SHTN1: variants seen among roughly 807,000 people sequenced by gnomAD.
The protein encoded by SHTN1 is shootin-1.
A neutral mutation model predicts 83.1 loss-of-function variants in SHTN1; 42 were observed. That is an observed-to-expected ratio of 0.51 (90% confidence interval 0.39 to 0.65). The LOEUF (loss-of-function observed/expected upper bound fraction) is 0.65, where lower values mean the gene tolerates loss of function less well. Among genes scored for constraint, SHTN1 ranks in the 30% least tolerant of loss-of-function variants. The pLI, the probability that SHTN1 is intolerant of heterozygous loss-of-function variation, is 0.00. For synonymous variants in SHTN1, 224 were observed against 247.7 expected (o/e 0.90, Z 0.90); for missense variants, 622 against 737.8 (o/e 0.84, Z 1.82).
At chr10:116,940,763 T>C in intron 8 of SHTN1, 151 bp from the exon 9 acceptor site, 1 of 544,804 alleles carries the variant, frequency 1.8e-6, no homozygotes, top group Non-Finnish European at 3.1e-6. Flanking sequence ...GTGATTGCTA[T>C]GATTTCATTC....
At chr10:116,923,154 A>G (rs1848623639) in intron 11 of SHTN1, among the ~76,000 whole-genome samples, 1 of 152,178 alleles carries the variant, frequency 6.6e-6, no homozygotes, top group African/African-American at 2.4e-5. Context: ...AAAGATAGTA[A>G]TTAGGGAGGA....
intron 1 of SHTN1, among the ~76,000 whole-genome samples, chr10:117,069,657 C>T (rs1259159680): frequency 2.0e-5 from 3 of 151,984 alleles, no homozygotes; most frequent in Non-Finnish European, 4.4e-5. Context: ...TTATAAAGTC[C>T]AAGTGGCTTT....
chr10:117,049,412 C>G (rs900777550), intron 1 of SHTN1, among the ~76,000 whole-genome samples: 21 of 152,112 alleles, frequency 1.4e-4, no homozygotes, highest in African/African-American at 4.1e-4. Flanking sequence ...GAATTTTAAC[C>G]TAGCTTTGTG....
At chr10:117,005,677 T>C (rs1251612229), upstream of SHTN1, 4 of 708,348 alleles carry the variant, frequency 5.6e-6, no homozygotes, top group South Asian at 6.3e-5. Context: ...CCCAGGGTGG[T>C]ACATTTTGCA....
At chr10:117,017,144 G>A (rs1469548485) in intron 2 of SHTN1, among the ~76,000 whole-genome samples, 3 of 152,142 alleles carry the variant, frequency 2.0e-5, no homozygotes, top group Admixed American at 2.0e-4. Flanking sequence ...AAGGACTCAG[G>A]AACCAACCTG....
At chr10:116,896,170 T>C (rs1308005432) in intron 16 of SHTN1, among the ~76,000 whole-genome samples, 2 of 152,122 alleles carry the variant, frequency 1.3e-5, no homozygotes, top group African/African-American at 4.8e-5. Flanking sequence ...CCCCCGAAAA[T>C]GCTTTTTTCC....
intron 2 of SHTN1, among the ~76,000 whole-genome samples, chr10:117,038,759 G>C (rs1564938350): frequency 6.6e-6 from 1 of 152,134 alleles, no homozygotes; most frequent in Non-Finnish European, 1.5e-5. Context: ...AATATCATCA[G>C]GGAAATGCAA....
chr10:116,911,655 A>T, intron 14 of SHTN1, 135 bp downstream of exon 14: 2 of 1,568,686 alleles, frequency 1.3e-6, no homozygotes, highest in East Asian at 4.6e-5. Flanking sequence ...AGCACGATCA[A>T]ATAAACTGGC....
Position 117,062,202 on chromosome 10 carries a change from G to C in SHTN1, c.-188-13692C>G, listed in dbSNP as rs1270208361. On this transcript the variant is annotated intron_variant, in intron 1 of 17. Transcript: ENST00000392901. ...TAAAAAGGAAACACTAACAGTAAAG[G>C]AGGAAATAAATCTTAGAACTTTTCA... 3.3e-5 allele frequency among the ~76,000 whole-genome samples: 5 copies of C among 152,284 alleles called. No individual in the cohort carries two copies. In the East Asian group the frequency reaches 9.6e-4, roughly 29 times the overall value.
chr10:117,037,804 G>A (rs1215113581), intron 2 of SHTN1, among the ~76,000 whole-genome samples: 2 of 151,832 alleles, frequency 1.3e-5, no homozygotes, highest in Non-Finnish European at 2.9e-5. Context: ...TCAGGAGTTC[G>A]AGACCGTCCT....
chr10:117,065,727 T>TGAAAGAAAGAAAGAAAGAAAGAAA (rs869310024), intron 1 of SHTN1, among the ~76,000 whole-genome samples: 3 of 12,012 alleles, frequency 2.5e-4, no homozygotes, highest in African/African-American at 5.3e-4. Flanking sequence ...GAGAGAGAGA[T>TGAAAGAAAGAAAGAAAGAAAGAAA]GAAAGAAAGA....
chr10:116,946,504 A>T (rs1849587851), intron 7 of SHTN1, among the ~76,000 whole-genome samples: 1 of 141,176 alleles, frequency 7.1e-6, no homozygotes, highest in Non-Finnish European at 1.5e-5. Flanking sequence ...TAAATATATA[A>T]AATGATTTAT....
intron 12 of SHTN1, among the ~76,000 whole-genome samples, chr10:116,916,726 G>A (rs1034080746): frequency 4.6e-5 from 7 of 152,118 alleles, no homozygotes; most frequent in South Asian, 2.1e-4. Context: ...TTGTGTAAGC[G>A]CCTAGGGGAG....
At chr10:117,103,726 T>C (rs974630657) in intron 1 of SHTN1, among the ~76,000 whole-genome samples, 90 of 151,782 alleles carry the variant, frequency 5.9e-4, no homozygotes, top group African/African-American at 1.6e-3. Flanking sequence ...TTAGTAGAGA[T>C]GGGGTTTCAC....
chr10:116,978,639 C>T (rs375680855), intron 2 of SHTN1, among the ~76,000 whole-genome samples: 1 of 151,552 alleles, frequency 6.6e-6, no homozygotes, highest in Non-Finnish European at 1.5e-5. Flanking sequence ...CAAGCATTCA[C>T]AAATCTTAGA....
At chr10:117,119,038 G>A (rs747783584) in intron 1 of SHTN1, among the ~76,000 whole-genome samples, 1 of 152,166 alleles carries the variant, frequency 6.6e-6, no homozygotes, top group Non-Finnish European at 1.5e-5. Flanking sequence ...AGCACCATGG[G>A]TGGAATTGAT....
At chr10:116,994,157 GAT>G (rs1028024154) in intron 1 of SHTN1, among the ~76,000 whole-genome samples, 6 of 152,056 alleles carry the variant, frequency 3.9e-5, no homozygotes, top group African/African-American at 1.4e-4. Context: ...AGTAAAATAA[GAT>G]ATATTTTTGG....
intron 14 of SHTN1, chr10:116,911,536 G>A: frequency 1.3e-6 from 2 of 1,550,558 alleles, no homozygotes; most frequent in Non-Finnish European, 1.7e-6. Flanking sequence ...GGATTGGAGG[G>A]CAAGAACAGG....
intron 2 of SHTN1, among the ~76,000 whole-genome samples, chr10:117,037,698 G>T (rs1852519125): frequency 6.6e-6 from 1 of 152,124 alleles, no homozygotes; most frequent in Admixed American, 6.6e-5. Context: ...ACTGGTGAAA[G>T]AACAGACAAA....
Sources: gnomAD v4.1 joint callset for allele counts (sites outside exome capture counted in the v4.1 genomes callset) on GRCh38, gnomAD v4.1.1 for gene constraint, MANE v1.5 for transcripts, NCBI Gene and HGNC (gene_info 2026-07-23, HGNC 2026-07-21) for gene names.